Variants in TDRD5 observed in about 807,000 individuals in gnomAD.
TDRD5 encodes tudor domain containing 5, also known as tudor domain-containing protein 5.
A neutral mutation model predicts 120.6 loss-of-function variants in TDRD5; 41 were observed. That is an observed-to-expected ratio of 0.34 (90% CI 0.26 to 0.44). TDRD5 has a LOEUF of 0.44. TDRD5 is among the 20% of genes least tolerant of loss of function. TDRD5 has a pLI of 1.00. For missense variants in TDRD5, 1,006 were observed against 1,221.2 expected, an observed-to-expected ratio of 0.82 and a Z score of 2.63; for synonymous variants, 430 against 433.7, an observed-to-expected ratio of 0.99 and a Z score of 0.11.
At chr1:179,619,087 G>C (rs1221512267) in intron 5 of TDRD5, among the ~76,000 whole-genome samples, 1 of 151,994 alleles carries the variant, frequency 6.6e-6, no homozygotes. Flanking sequence ...TTTTATCTTT[G>C]ACTGTGGAAA....
At chr1:179,669,547 A>C in intron 17 of TDRD5, 143 bp downstream of exon 17, 1 of 976,812 alleles carries the variant, frequency 1.0e-6, no homozygotes, top group Non-Finnish European at 1.5e-6. Context: ...TCCTTGTTTT[A>C]TGTTTGGGCT....
chr1:179,651,755 T>C (rs1000593907), intron 12 of TDRD5, among the ~76,000 whole-genome samples: 1 of 151,646 alleles, frequency 6.6e-6, no homozygotes, highest in African/African-American at 2.4e-5. Flanking sequence ...CCACTAAAAA[T>C]ACAAAAAATT....
intron 6 of TDRD5, among the ~76,000 whole-genome samples, chr1:179,626,353 G>A (rs1677133454): frequency 6.6e-6 from 1 of 152,154 alleles, no homozygotes; most frequent in South Asian, 2.1e-4. Flanking sequence ...TAATACAATA[G>A]CCAAAGATAA....
intron 17 of TDRD5, among the ~76,000 whole-genome samples, chr1:179,679,334 T>C (rs1356816222): frequency 6.6e-6 from 1 of 152,150 alleles, no homozygotes; most frequent in Admixed American, 6.5e-5. Flanking sequence ...TCTTTTTTTA[T>C]AATGTCTTTG....
At chr1:179,653,282 T>C (rs926123123) in intron 13 of TDRD5, among the ~76,000 whole-genome samples, 6 of 152,228 alleles carry the variant, frequency 3.9e-5, no homozygotes, top group South Asian at 2.1e-4. Context: ...TTATTTTGTT[T>C]AGTGTGTTTT....
chr1:179,641,865 T>C (rs1678067883), intron 11 of TDRD5, among the ~76,000 whole-genome samples: 1 of 152,222 alleles, frequency 6.6e-6, no homozygotes, highest in Admixed American at 6.5e-5. Flanking sequence ...ATTCTGATTT[T>C]TGACTGTTAG....
intron 16 of TDRD5, among the ~76,000 whole-genome samples, chr1:179,668,315 C>T (rs1679657913): frequency 6.6e-6 from 1 of 152,190 alleles, no homozygotes; most frequent in Non-Finnish European, 1.5e-5. Context: ...GTTTCCCTGA[C>T]TGAGGACTGA....
chr1:179,632,972 A>G (rs1677544657), intron 7 of TDRD5, among the ~76,000 whole-genome samples: 1 of 152,164 alleles, frequency 6.6e-6, no homozygotes, highest in Non-Finnish European at 1.5e-5. Flanking sequence ...GTTGAACATC[A>G]CCTGCAATTT....
chr1:179,652,269 C>G, intron 13 of TDRD5, 72 bp downstream of exon 13: 1 of 1,430,698 alleles, frequency 7.0e-7, no homozygotes, highest in Non-Finnish European at 9.2e-7. Context: ...GATGAAGAAA[C>G]CAAGGCTTTC....
intron 14 of TDRD5, among the ~76,000 whole-genome samples, chr1:179,654,880 A>G (rs746434219): frequency 3.3e-5 from 5 of 152,230 alleles, no homozygotes; most frequent in African/African-American, 4.8e-5. Context: ...GTGTTAGTTA[A>G]TATCCTGTGA....
intron 12 of TDRD5, among the ~76,000 whole-genome samples, 171 bp downstream of exon 12, chr1:179,651,238 G>A (rs1678695844): frequency 6.6e-6 from 1 of 152,172 alleles, no homozygotes; most frequent in South Asian, 2.1e-4. Context: ...GATGACCACA[G>A]AAAAACTGCA....
At chr1:179,653,616 A>C (rs1206486581) in intron 13 of TDRD5, among the ~76,000 whole-genome samples, 1 of 152,190 alleles carries the variant, frequency 6.6e-6, no homozygotes, top group Admixed American at 6.5e-5. Flanking sequence ...AGAATATCCT[A>C]TCACTCTGTT....
chr1:179,645,321 G>A (rs1406498220), intron 11 of TDRD5, among the ~76,000 whole-genome samples: 4 of 151,736 alleles, frequency 2.6e-5, no homozygotes, highest in South Asian at 2.1e-4. Context: ...TCCTGACCTC[G>A]TGATCCGCCC....
chr1:179,592,832 A>G lies in TDRD5; in HGVS notation c.217A>G (p.Thr73Ala), dbSNP rs765918098. 6 of 1,614,038 alleles carry G rather than the reference A, an allele frequency of 3.7e-6. No homozygotes were observed. Among genetic ancestry groups the G allele is most frequent in the Non-Finnish European group, 5.1e-6 (6 of 1,180,024 alleles). The change falls in exon 2 of 18, where the codon ACT (threonine) becomes GCT (alanine). Residue 73 changes from threonine to alanine, a missense_variant. By Grantham distance (58) the Thr-to-Ala change is moderately conservative. Around this residue, in one of 3 missense-constraint regions of TDRD5, gnomAD observed 445 missense variants for 515.5 expected, o/e 0.86. Transcript: ENST00000444136. ...TCGTGTCTGCCCCGGTGCAGGTGGT[A>G]CTGTAATACTGAAAGGTAGGTTTAA... ...VVRVCPGAGGTVILKAIPDES... is the reference protein window; with the variant it reads ...VVRVCPGAGGAVILKAIPDES...
chr1:179,611,271 C>T (rs1676262097), intron 4 of TDRD5, among the ~76,000 whole-genome samples: 1 of 151,934 alleles, frequency 6.6e-6, no homozygotes, highest in Non-Finnish European at 1.5e-5. Flanking sequence ...AGGTTGGTCT[C>T]GAATTCCTGA....
In TDRD5 at chr1:179,591,885, C is replaced by G. The variant is rs939898926; in HGVS notation, c.-255C>G. The G allele has an allele frequency of 6.6e-6, 1 of 152,322 alleles. No individual in the cohort carries two copies. Among genetic ancestry groups the G allele is most frequent in the African/African-American group, 2.4e-5 (1 of 41,466 alleles). 9.4% of individuals were successfully genotyped at this position (152,322 alleles called of 1,614,324 possible). A position where few individuals can be genotyped will look rare whatever the true frequency, so the allele number is the denominator to read the frequency against. ...CTTCCTGCGCCGATTCGGAGAGGGC[C>G]CCCTAATCTCTACTCGGCCCGCACC... On this transcript the variant is annotated 5_prime_UTR_variant, in exon 1 of 18. Coordinates refer to ENST00000444136, the MANE Select transcript of TDRD5 (RefSeq NM_001199085.3).
intron 5 of TDRD5, 78 bp downstream of exon 5, chr1:179,618,760 C>G: frequency 9.4e-7 from 1 of 1,059,590 alleles, no homozygotes; most frequent in East Asian, 2.9e-5. Context: ...AGTTTGTCTG[C>G]AAGTATTAAT....
At chr1:179,660,284 A>G (rs573310804) in intron 14 of TDRD5, among the ~76,000 whole-genome samples, 8 of 134,062 alleles carry the variant, frequency 6.0e-5, no homozygotes, top group Admixed American at 4.6e-4. Context: ...CAGTGGCACA[A>G]TCTCGGCTCA....
intron 15 of TDRD5, among the ~76,000 whole-genome samples, chr1:179,662,890 C>A (rs957470837): frequency 3.3e-5 from 5 of 152,094 alleles, no homozygotes; most frequent in Non-Finnish European, 7.4e-5. Context: ...ATGAAAGAAA[C>A]CATTTTCTCT....
Sources: gnomAD v4.1 joint callset for allele counts (sites outside exome capture counted in the v4.1 genomes callset) on GRCh38, gnomAD v4.1.1 for gene constraint, gnomAD v4.1.1 regional missense constraint, MANE v1.5 for transcripts, NCBI Gene and HGNC (gene_info 2026-07-23, HGNC 2026-07-21) for gene names.